The following TUBGCP3 variants were observed in gnomAD, a reference collection of about 807,000 sequenced individuals.
TUBGCP3 encodes tubulin gamma complex component 3, also known as gamma-tubulin complex component 3.
TUBGCP3 carries 50 observed loss-of-function variants against 123.1 expected under a neutral mutation model. The ratio of observed to expected loss-of-function variants is 0.41; its 90% CI spans 0.32 to 0.51. The LOEUF (loss-of-function observed/expected upper bound fraction) is 0.51. Ranked by LOEUF, TUBGCP3 falls within the 20% of genes least tolerant of loss-of-function variation. The probability of loss-of-function intolerance (pLI) is 0.36; values close to 1 mark genes in which losing one functional copy is unlikely to be tolerated. For missense variants in TUBGCP3, 882 were observed against 1,127.0 expected, an observed-to-expected ratio of 0.78 and a Z score of 3.11; for synonymous variants, 405 against 413.9, an observed-to-expected ratio of 0.98 and a Z score of 0.26.
Position 112,588,015 on chromosome 13 carries a change from A to G in TUBGCP3, c.-35T>C, listed in dbSNP as rs1312043409. On this transcript the variant is annotated 5_prime_UTR_variant, in exon 1 of 22. Transcript: ENST00000261965. ...GAGCCGTGCACGGTGGTCCGGGCAG[A>G]GCCGCCACTGCCGCCGCACGCGCAG... 2 of 1,406,004 alleles carry G rather than the reference A, an allele frequency of 1.4e-6. No individual in the cohort carries two copies. The highest frequency in any genetic ancestry group is 3.0e-5 in the East Asian group (1 of 33,426). The allele number at this position is 1,406,004 out of a possible 1,614,324, so 87.1% of individuals were successfully genotyped here. A position where few individuals can be genotyped will look rare whatever the true frequency, so the allele number is the denominator to read the frequency against.
intron 1 of TUBGCP3, among the ~76,000 whole-genome samples, chr13:112,574,000 A>G (rs1258569730): frequency 6.6e-6 from 1 of 152,176 alleles, no homozygotes; most frequent in Non-Finnish European, 1.5e-5. Flanking sequence ...CCCAATCCGC[A>G]GAGAATCTTT....
At chr13:112,576,150 T>G (rs1471350259) in intron 1 of TUBGCP3, among the ~76,000 whole-genome samples, 1 of 152,348 alleles carries the variant, frequency 6.6e-6, no homozygotes, top group East Asian at 1.9e-4. Flanking sequence ...ATTCATGGAA[T>G]GAACGTAATT....
chr13:112,487,047 C>T (rs1879716705), intron 21 of TUBGCP3, among the ~76,000 whole-genome samples: 1 of 121,564 alleles, frequency 8.2e-6, no homozygotes, highest in African/African-American at 3.3e-5. Context: ...CAGGCAAACA[C>T]TGTGTATGTG....
chr13:112,570,375 C>A (rs1451750069), intron 1 of TUBGCP3, among the ~76,000 whole-genome samples: 1 of 152,140 alleles, frequency 6.6e-6, no homozygotes, highest in African/African-American at 2.4e-5. Flanking sequence ...TGGTTCCAAC[C>A]ACCATATTAA....
intron 18 of TUBGCP3, 144 bp from the exon 19 acceptor site, chr13:112,504,307 G>T: frequency 9.7e-7 from 1 of 1,033,200 alleles, no homozygotes; most frequent in Non-Finnish European, 1.4e-6. Flanking sequence ...GGCCAACATG[G>T]CAAAACCCCG....
rs556724321 is a variant in TUBGCP3, at chr13:112,533,244, C to G, written c.1336-5760G>C. On this transcript the variant is annotated intron_variant, in intron 11 of 21. Transcript: ENST00000261965. ...TGGGCAGACACAGCCAAGAGGGAGA[C>G]GCACCGCGTCACCATTCAGCAGGCA... Among the ~76,000 whole-genome samples the G allele has an allele frequency of 6.6e-5, 10 of 152,350 alleles. No homozygotes were observed. In the East Asian group the frequency reaches 1.5e-3, roughly 23 times the overall value.
chr13:112,561,278 C>A (rs1207377278), intron 3 of TUBGCP3, among the ~76,000 whole-genome samples: 1 of 152,194 alleles, frequency 6.6e-6, no homozygotes, highest in African/African-American at 2.4e-5. Flanking sequence ...CAACAGGGGC[C>A]CGTGAGGCTC....
chr13:112,537,117 T>C (rs748764876), intron 11 of TUBGCP3, among the ~76,000 whole-genome samples: 3 of 147,908 alleles, frequency 2.0e-5, no homozygotes, highest in Non-Finnish European at 3.0e-5. Flanking sequence ...TGGATGCTTT[T>C]ACCTTTTTCC....
chr13:112,516,380 C>G (rs554605797), intron 17 of TUBGCP3, 60 bp downstream of exon 17: 6 of 1,464,994 alleles, frequency 4.1e-6, no homozygotes, highest in Middle Eastern at 2.5e-4. Context: ...AAACCGCACC[C>G]AGTGGGGGCT....
At chr13:112,498,730 G>A in intron 20 of TUBGCP3, 1 of 1,482,402 alleles carries the variant, frequency 6.7e-7, no homozygotes, top group South Asian at 1.3e-5. Flanking sequence ...ATGCAGAGCG[G>A]AGGCAGCTGT....
chr13:112,558,615 A>G (rs2139229212), intron 4 of TUBGCP3, among the ~76,000 whole-genome samples: 1 of 152,344 alleles, frequency 6.6e-6, no homozygotes, highest in Middle Eastern at 3.4e-3. Flanking sequence ...TCTGAACTCC[A>G]ACAACCACTA....
intron 1 of TUBGCP3, among the ~76,000 whole-genome samples, chr13:112,576,473 G>A (rs1392680851): frequency 2.6e-5 from 4 of 152,122 alleles, no homozygotes; most frequent in African/African-American, 9.7e-5. Flanking sequence ...TCTGCTGAGA[G>A]TAAATCACAG....
intron 1 of TUBGCP3, among the ~76,000 whole-genome samples, chr13:112,576,029 G>A (rs922277737): frequency 1.3e-5 from 2 of 152,196 alleles, no homozygotes; most frequent in Admixed American, 1.3e-4. Context: ...TGTTACAGCA[G>A]TCATAGGAAA....
intron 3 of TUBGCP3, among the ~76,000 whole-genome samples, chr13:112,564,368 T>G (rs557741053): frequency 2.4e-4 from 36 of 152,372 alleles, no homozygotes; most frequent in Non-Finnish European, 2.6e-4. Context: ...TAACAGTATT[T>G]GTTGCGCAAA....
In TUBGCP3 at chr13:112,588,081, T is replaced by C. The variant is rs1238474564; in HGVS notation, c.-101A>G. On this transcript the variant is annotated 5_prime_UTR_variant, in exon 1 of 22. Coordinates refer to ENST00000261965, the MANE Select transcript of TUBGCP3 (RefSeq NM_006322.6). ...CCCTTCCTGCGCCCCGCAAGCTCCCTGCTCCTGACAGGCTAAGGCGCGGGC... is the reference window on the plus strand; with the variant it reads ...CCCTTCCTGCGCCCCGCAAGCTCCCCGCTCCTGACAGGCTAAGGCGCGGGC... The C allele has an allele frequency of 3.8e-6, 4 of 1,057,200 alleles. No homozygotes were observed. Among genetic ancestry groups the C allele is most frequent in the Admixed American group, 4.2e-5 (1 of 23,902 alleles). 65.5% of individuals were successfully genotyped at this position (1,057,200 alleles called of 1,614,324 possible). A position where few individuals can be genotyped will look rare whatever the true frequency, so the allele number is the denominator to read the frequency against.
chr13:112,603,920 C>T, the TUBGCP3 span: 1 of 152,318 alleles, frequency 6.6e-6, no homozygotes, highest in Middle Eastern at 3.3e-3. Flanking sequence ...TCGATAATTG[C>T]TTTCTGCTTT....
In TUBGCP3 at chr13:112,547,722, A is replaced by G; in HGVS notation, c.1066T>C (p.Leu356=). 2 of 1,531,820 alleles carry G rather than the reference A, an allele frequency of 1.3e-6. No homozygotes were observed. Among genetic ancestry groups the G allele is most frequent in the Non-Finnish European group, 1.8e-6 (2 of 1,137,748 alleles). 94.9% of individuals were successfully genotyped at this position (1,531,820 alleles called of 1,614,324 possible). A position where few individuals can be genotyped will look rare whatever the true frequency, so the allele number is the denominator to read the frequency against. ...AGTGTTAAACTACTCTCAAGTCCCA[A>G]ATTCACACCCTGGTCATCCTCTAGT... ...LQLEDDQGVN[L]GLESSLTLRR... Residue 356 remains leucine, a synonymous_variant, in exon 10 of 22, where the codon TTG becomes CTG. Coordinates refer to ENST00000261965, the MANE Select transcript of TUBGCP3 (RefSeq NM_006322.6).
intron 14 of TUBGCP3, 140 bp from the exon 15 acceptor site, chr13:112,520,161 C>G: frequency 1.4e-6 from 1 of 698,816 alleles, no homozygotes; most frequent in Non-Finnish European, 2.2e-6. Flanking sequence ...AATGCGGCAA[C>G]AAAAGCTTCA....
intron 11 of TUBGCP3, among the ~76,000 whole-genome samples, chr13:112,542,865 G>C (rs1878639009): frequency 6.6e-6 from 1 of 152,136 alleles, no homozygotes; most frequent in African/African-American, 2.4e-5. Flanking sequence ...TAAGAGTGTA[G>C]GGCCAGGCAC....
Sources: allele counts gnomAD v4.1 joint callset (sites outside exome capture counted in the v4.1 genomes callset), GRCh38; gene constraint gnomAD v4.1.1; transcripts MANE v1.5; gene names NCBI Gene and HGNC (gene_info 2026-07-23, HGNC 2026-07-21).